ZFAND2B: variants seen among roughly 807,000 people sequenced by gnomAD.
ZFAND2B encodes zinc finger AN1-type containing 2B.
Under a neutral mutation model 38.2 loss-of-function variants are expected in ZFAND2B, and 27 were observed. That is an observed-to-expected ratio of 0.71 (90% CI 0.52 to 0.97). ZFAND2B has a LOEUF of 0.97. Ranked by LOEUF, ZFAND2B falls within the 50% of genes least tolerant of loss-of-function variation. The pLI, the probability that ZFAND2B is intolerant of heterozygous loss-of-function variation, is 0.00. For missense variants in ZFAND2B, 303 were observed against 331.5 expected (o/e 0.91, Z 0.67); for synonymous variants, 111 against 119.4 (o/e 0.93, Z 0.46).
At chr2:219,207,543 C>A (rs1950505578) in intron 2 of ZFAND2B, 105 bp from the exon 3 acceptor site, 2 of 1,590,832 alleles carry the variant, frequency 1.3e-6, no homozygotes, top group Admixed American at 3.4e-5. Flanking sequence ...CTGGGAAACA[C>A]TGTTTTTTTG....
Position 219,208,305 on chromosome 2 carries a change from C to G in ZFAND2B, c.484C>G (p.Pro162Ala). The change falls in exon 5 of 9, where the codon CCC (proline) becomes GCC (alanine). Residue 162 changes from proline (P) to alanine (A), a missense_variant. Pro to Ala is a conservative substitution (Grantham distance 27). Transcript: ENST00000289528. Reference sequence around the variant, plus strand: ...AGCTGTGGCTTCTACAAGCACTGTCCCCAGCCCAAGTCAAACCATGCCTTC... The same window carrying G: ...AGCTGTGGCTTCTACAAGCACTGTCGCCAGCCCAAGTCAAACCATGCCTTC... ...AQAVASTSTVPSPSQTMPSCT... is the reference protein window; with the variant it reads ...AQAVASTSTVASPSQTMPSCT... The G allele has an allele frequency of 6.2e-7, 1 of 1,614,152 alleles. No homozygotes were observed. The highest frequency in any genetic ancestry group is 1.3e-5 in the African/African-American group (1 of 75,012).
Position 219,208,492 on chromosome 2 carries a change from T to C in ZFAND2B, c.588+6T>C. ...TTGCTTTGCAGAATGGCCTGGTGAG[T>C]TGGGCAGAGGTTGGATGGACAGAAA... On this transcript the variant is annotated splice_donor_region_variant and intron_variant, in intron 6 of 8. Transcript: ENST00000289528. 1.9e-6 allele frequency: 3 copies of C among 1,614,164 alleles called. No individual in the cohort carries two copies. Among genetic ancestry groups the C allele is most frequent in the Non-Finnish European group, 2.5e-6 (3 of 1,180,016 alleles).
At chr2:219,209,159 T>TA (rs1373616974) in intron 8 of ZFAND2B, 103 bp from the exon 9 acceptor site, 1 of 1,575,558 alleles carries the variant, frequency 6.3e-7, no homozygotes, top group African/African-American at 1.3e-5. Context: ...TCGTCTGGTT[T>TA]TCAGTATGAC....
chr2:219,207,094 C>T (rs1377612365), intron 1 of ZFAND2B, 52 bp downstream of exon 1: 8 of 1,520,458 alleles, frequency 5.3e-6, no homozygotes, highest in Non-Finnish European at 5.3e-6. Flanking sequence ...GGACTTTGAA[C>T]CGCAGGTTGG....
At chr2:219,207,235 G>A in intron 1 of ZFAND2B, 92 bp from the exon 2 acceptor site, 1 of 1,465,552 alleles carries the variant, frequency 6.8e-7, no homozygotes, top group Non-Finnish European at 9.6e-7. Flanking sequence ...GTCGAAAATA[G>A]GGTGGCGTTT....
Position 219,209,030 on chromosome 2 carries a change from C to G in ZFAND2B, c.710C>G (p.Ala237Gly). 1 of 1,614,170 alleles carries G rather than the reference C, an allele frequency of 6.2e-7. No individual in the cohort carries two copies. The highest frequency in any genetic ancestry group is 1.3e-5 in the African/African-American group (1 of 75,044). The change falls in exon 8 of 9, where the codon GCA (alanine) becomes GGA (glycine). Residue 237 changes from alanine (A) to glycine (G), a missense_variant. Ala to Gly is a moderately conservative substitution (Grantham distance 60, BLOSUM62 0). Transcript: ENST00000289528. Reference sequence around the variant, plus strand: ...GCACAAGCACTGTCAGCCAGTGAGGCAGAATACCAGCGGCAGCAGGTATGA... The same window carrying G: ...GCACAAGCACTGTCAGCCAGTGAGGGAGAATACCAGCGGCAGCAGGTATGA... ...ALAQALSASEAEYQRQQAQSR... is the reference protein window; with the variant it reads ...ALAQALSASEGEYQRQQAQSR...
chr2:219,207,107 G>T, intron 1 of ZFAND2B, 65 bp downstream of exon 1: 1 of 1,328,856 alleles, frequency 7.5e-7, no homozygotes. Context: ...CAGGTTGGGA[G>T]GGAAGGGTGG....
chr2:219,206,910 C>T lies in ZFAND2B; in HGVS notation c.-78C>T, dbSNP rs1950491529. Reference sequence around the variant, plus strand: ...GGGAGCCCGCCAGAGTGCGGGGTCGCGGTGCGGACTTCGAGCACGAGCCCT... The same window carrying T: ...GGGAGCCCGCCAGAGTGCGGGGTCGTGGTGCGGACTTCGAGCACGAGCCCT... On this transcript the variant is annotated 5_prime_UTR_variant, in exon 1 of 9. Coordinates refer to ENST00000289528, the MANE Select transcript of ZFAND2B (RefSeq NM_138802.3). 6.7e-7 allele frequency: 1 copy of T among 1,497,680 alleles called. No homozygotes were observed. Among genetic ancestry groups the T allele is most frequent in the Non-Finnish European group, 9.1e-7 (1 of 1,095,958 alleles). 92.8% of individuals were successfully genotyped at this position (1,497,680 alleles called of 1,614,324 possible).
In ZFAND2B at chr2:219,209,476, T is replaced by C. The variant is rs1229798575; in HGVS notation, c.*170T>C. ...AGGCCTTGCTAGTGCTCCAGCTGCATGGAAGAGAGCGGCTAGCAACTGTTC... is the reference window on the plus strand; with the variant it reads ...AGGCCTTGCTAGTGCTCCAGCTGCACGGAAGAGAGCGGCTAGCAACTGTTC... On this transcript the variant is annotated 3_prime_UTR_variant, in exon 9 of 9. Coordinates refer to ENST00000289528, the MANE Select transcript of ZFAND2B (RefSeq NM_138802.3). 5 of 813,176 alleles carry C rather than the reference T, an allele frequency of 6.1e-6. No individual in the cohort carries two copies. Among genetic ancestry groups the C allele is most frequent in the Middle Eastern group, 4.4e-4 (2 of 4,564 alleles). The allele number at this position is 813,176 out of a possible 1,614,324, so 50.4% of individuals were successfully genotyped here. A position where few individuals can be genotyped will look rare whatever the true frequency, so the allele number is the denominator to read the frequency against.
In ZFAND2B at chr2:219,209,398, G is replaced by A. The variant is rs1267085836; in HGVS notation, c.*92G>A. Reference sequence around the variant, plus strand: ...AGGGAGAGGAGGCCCGGAGCACCCTGGAGGGCAGAGACAAGCGGGAGTGAT... The same window carrying A: ...AGGGAGAGGAGGCCCGGAGCACCCTAGAGGGCAGAGACAAGCGGGAGTGAT... On this transcript the variant is annotated 3_prime_UTR_variant, in exon 9 of 9. Coordinates refer to ENST00000289528, the MANE Select transcript of ZFAND2B (RefSeq NM_138802.3). The A allele has an allele frequency of 6.8e-7, 1 of 1,471,180 alleles. No homozygotes were observed. The highest frequency in any genetic ancestry group is 1.2e-5 in the South Asian group (1 of 83,168). The allele number at this position is 1,471,180 out of a possible 1,614,324, so 91.1% of individuals were successfully genotyped here. A position where few individuals can be genotyped will look rare whatever the true frequency, so the allele number is the denominator to read the frequency against.
At position 219,207,921 on chromosome 2, in the gene ZFAND2B, GGCA is replaced by G. The variant is rs781471927; in HGVS notation, c.320_322del (p.Gln107del). The G allele has an allele frequency of 6.2e-7, 1 of 1,614,082 alleles. No individual in the cohort carries two copies. The highest frequency in any genetic ancestry group is 8.5e-7 in the Non-Finnish European group (1 of 1,180,018). On this transcript the variant is annotated inframe_deletion, in exon 4 of 9. Coordinates refer to ENST00000289528, the MANE Select transcript of ZFAND2B (RefSeq NM_138802.3). ...AATAAGTGTGAACGCGCTGGCTGCC[GGCA>G]GCGAGAAATGATGAAACTGACCTGT...
intron 7 of ZFAND2B, 87 bp downstream of exon 7, chr2:219,208,726 G>A (rs1950530396): frequency 6.8e-7 from 1 of 1,471,026 alleles, no homozygotes; most frequent in Non-Finnish European, 9.4e-7. Flanking sequence ...CTGACACAAT[G>A]CAAGATAATC....
At chr2:219,207,265 TTGAG>T (rs1411471155) in intron 1 of ZFAND2B, 58 bp from the exon 2 acceptor site, 8 of 1,558,246 alleles carry the variant, frequency 5.1e-6, no homozygotes, top group Non-Finnish European at 7.1e-6. Context: ...AGTGGAAGAC[TTGAG>T]TGAGAGAGAA....
Position 219,207,034 on chromosome 2 carries a change from A to G in ZFAND2B, c.47A>G (p.Gln16Arg), listed in dbSNP as rs1454196619. Residue 16 changes from glutamine to arginine, a missense_variant, in exon 1 of 9, where the codon CAG becomes CGG. Physicochemically the swap from Gln to Arg is conservative, Grantham distance 43. Coordinates refer to ENST00000289528, the MANE Select transcript of ZFAND2B (RefSeq NM_138802.3). Reference sequence around the variant, plus strand: ...GCTCACTGTTCGGAGCCGAGCTGTCAGCGCTTGGGTGAGGGGCGGAGCGCG... The same window carrying G: ...GCTCACTGTTCGGAGCCGAGCTGTCGGCGCTTGGGTGAGGGGCGGAGCGCG... ...LGAHCSEPSC[Q>R]RLDFLPLKCD... The G allele has an allele frequency of 1.2e-6, 2 of 1,605,918 alleles. No homozygotes were observed. Among genetic ancestry groups the G allele is most frequent in the Middle Eastern group, 1.7e-4 (1 of 5,874 alleles).
intron 1 of ZFAND2B, 73 bp from the exon 2 acceptor site, chr2:219,207,254 G>T: frequency 6.6e-7 from 1 of 1,524,126 alleles, no homozygotes; most frequent in East Asian, 2.3e-5. Context: ...TTTCCTTCCC[G>T]AGTGGAAGAC....
chr2:219,207,157 T>TGGGG (rs66491679), intron 1 of ZFAND2B, 115 bp downstream of exon 1: 10 of 571,818 alleles, frequency 1.7e-5, no homozygotes, highest in African/African-American at 1.3e-4. Context: ...GGCTTGAAGC[T>TGGGG]GGGGGGGGGT....
rs752373888 is a variant in ZFAND2B, at chr2:219,209,501, C to T, written c.*195C>T. On this transcript the variant is annotated 3_prime_UTR_variant, in exon 9 of 9. Coordinates refer to ENST00000289528, the MANE Select transcript of ZFAND2B (RefSeq NM_138802.3). ...TGGAAGAGAGCGGCTAGCAACTGTT[C>T]CCTGGTTGGGCCCTCAGTGGATGCT... The T allele has an allele frequency of 6.2e-5, 46 of 744,976 alleles. No homozygotes were observed. The South Asian group carries it at 6.7e-4, about 11-fold the overall frequency. The allele number at this position is 744,976 out of a possible 1,614,324, so 46.1% of individuals were successfully genotyped here. A position where few individuals can be genotyped will look rare whatever the true frequency, so the allele number is the denominator to read the frequency against.
rs77376106 is a variant in ZFAND2B at position 219,207,317 on chromosome 2, C to A, written c.56-10C>A. Reference sequence around the variant, plus strand: ...CCCGCTGGACCTGCAATCCGACCAACTCTTTGCAGATTTTCTGCCGCTTAA... The same window carrying A: ...CCCGCTGGACCTGCAATCCGACCAAATCTTTGCAGATTTTCTGCCGCTTAA... On this transcript the variant is annotated splice_polypyrimidine_tract_variant and intron_variant, in intron 1 of 8. Coordinates refer to ENST00000289528, the MANE Select transcript of ZFAND2B (RefSeq NM_138802.3). 16,879 of 1,613,868 alleles carry A rather than the reference C, an allele frequency of 0.01. 110 individuals carry two copies. Among genetic ancestry groups the A allele is most frequent in the Non-Finnish European group, 0.012 (13,953 of 1,179,746 alleles).
intron 7 of ZFAND2B, 31 bp from the exon 8 acceptor site, chr2:219,208,946 T>C (rs199999193): frequency 4.5e-5 from 72 of 1,609,722 alleles, no homozygotes; most frequent in Non-Finnish European, 6.0e-5. Context: ...GATCTTACCA[T>C]CATCCAACTT....
Sources: gnomAD v4.1 joint callset for allele counts on GRCh38, gnomAD v4.1.1 for gene constraint, MANE v1.5 for transcripts, NCBI Gene and HGNC (gene_info 2026-07-23, HGNC 2026-07-21) for gene names.